Variants in CCDC148 observed in about 807,000 individuals in gnomAD.
CCDC148 encodes the protein coiled-coil domain containing 148.
In CCDC148, 89 loss-of-function variants were observed where a neutral mutation model predicts 85.7. The ratio of observed to expected loss-of-function variants is 1.04; its 90% confidence interval spans 0.87 to 1.24. The LOEUF is 1.24. CCDC148 is among the 50% of genes most tolerant of loss of function. The pLI is 0.00. For missense variants in CCDC148, 692 were observed against 671.7 expected (o/e 1.03, Z -0.33); for synonymous variants, 230 against 213.9 (o/e 1.08, Z -0.66).
At chr2:158,268,234 A>G (rs1433487881) in intron 9 of CCDC148, among the ~76,000 whole-genome samples, 1 of 152,080 alleles carries the variant, frequency 6.6e-6, no homozygotes, top group African/African-American at 2.4e-5. Flanking sequence ...GTGCTTCTTC[A>G]CTAGCACGTG....
At chr2:158,436,748 A>C (rs765773093) in intron 1 of CCDC148, among the ~76,000 whole-genome samples, 5 of 152,334 alleles carry the variant, frequency 3.3e-5, no homozygotes, top group East Asian at 1.9e-4. Flanking sequence ...AATAAAAAGA[A>C]AAGAGAGAAG....
At chr2:158,333,403 C>A (rs1693252529) in intron 7 of CCDC148, among the ~76,000 whole-genome samples, 1 of 152,086 alleles carries the variant, frequency 6.6e-6, no homozygotes, top group Non-Finnish European at 1.5e-5. Flanking sequence ...GATTTCTGTT[C>A]TTTTGCATTT....
At chr2:158,366,881 A>C (rs1684228516) in intron 1 of CCDC148, among the ~76,000 whole-genome samples, 1 of 152,114 alleles carries the variant, frequency 6.6e-6, no homozygotes, top group Admixed American at 6.6e-5. Flanking sequence ...TTCCATATCC[A>C]CTAGGTTGAA....
chr2:158,432,328 G>C (rs1266473028), intron 1 of CCDC148, among the ~76,000 whole-genome samples: 2 of 151,714 alleles, frequency 1.3e-5, no homozygotes, highest in African/African-American at 4.8e-5. Flanking sequence ...AAAAGGCAGA[G>C]ATTGTCAAAC....
intron 9 of CCDC148, among the ~76,000 whole-genome samples, chr2:158,266,213 A>G (rs1689446051): frequency 6.6e-6 from 1 of 152,084 alleles, no homozygotes; most frequent in South Asian, 2.1e-4. Flanking sequence ...AGGCAGGTAC[A>G]AAAGTGAGTA....
chr2:158,323,923 T>A, intron 7 of CCDC148, among the ~76,000 whole-genome samples: 1 of 97,438 alleles, frequency 1.0e-5, no homozygotes, highest in East Asian at 3.3e-4. Context: ...GAATAACTTT[T>A]TTTTTTTTTT....
chr2:158,173,808 C>A (rs1311376067), intron 13 of CCDC148, among the ~76,000 whole-genome samples: 2 of 152,030 alleles, frequency 1.3e-5, no homozygotes, highest in Admixed American at 6.6e-5. Context: ...TCATGTGCAA[C>A]CTGTATGCCA....
chr2:158,329,946 T>C (rs1001260834), intron 7 of CCDC148, among the ~76,000 whole-genome samples: 5 of 152,248 alleles, frequency 3.3e-5, no homozygotes, highest in Non-Finnish European at 7.3e-5. Context: ...AAATATGTCA[T>C]CTGCAAACAG....
chr2:158,314,346 A>T (rs1449956169), intron 7 of CCDC148, among the ~76,000 whole-genome samples: 1 of 152,218 alleles, frequency 6.6e-6, no homozygotes, highest in East Asian at 1.9e-4. Flanking sequence ...ATAAAGACAG[A>T]CTGAGGAAGA....
At chr2:158,374,029 T>C (rs545091541) in intron 1 of CCDC148, among the ~76,000 whole-genome samples, 1 of 152,182 alleles carries the variant, frequency 6.6e-6, no homozygotes, top group South Asian at 2.1e-4. Flanking sequence ...TAATGCATGG[T>C]AGTATTAGAA....
chr2:158,352,988 T>C (rs1683404261), intron 2 of CCDC148, among the ~76,000 whole-genome samples: 1 of 148,918 alleles, frequency 6.7e-6, no homozygotes, highest in Non-Finnish European at 1.5e-5. Context: ...GCTTCATAAG[T>C]GAAGGAGAAA....
intron 10 of CCDC148, among the ~76,000 whole-genome samples, chr2:158,236,703 G>A (rs550014597): frequency 4.5e-4 from 68 of 152,218 alleles, no homozygotes; most frequent in African/African-American, 1.3e-3. Context: ...TAAGGTCACC[G>A]CTCTTGTTAA....
chr2:158,348,462 A>G (rs1021132234), intron 2 of CCDC148, among the ~76,000 whole-genome samples: 1 of 152,020 alleles, frequency 6.6e-6, no homozygotes, highest in Non-Finnish European at 1.5e-5. Flanking sequence ...TAATGTACAG[A>G]CCATATCTAG....
chr2:158,177,099 T>C (rs887189219), intron 12 of CCDC148, among the ~76,000 whole-genome samples: 1 of 151,984 alleles, frequency 6.6e-6, no homozygotes, highest in Non-Finnish European at 1.5e-5. Flanking sequence ...TTTAACCTGA[T>C]TGAACTGGAT....
chr2:158,240,088 A>T (rs922704750), intron 10 of CCDC148, among the ~76,000 whole-genome samples: 4 of 151,726 alleles, frequency 2.6e-5, no homozygotes, highest in African/African-American at 9.7e-5. Flanking sequence ...CTTCAGCTCT[A>T]CTGGCAGCAA....
chr2:158,236,293 A>G (rs1001001362), intron 10 of CCDC148: 1 of 152,146 alleles, frequency 6.6e-6, no homozygotes. Context: ...ATGAGCCAAG[A>G]AAGTATTCTT....
intron 9 of CCDC148, among the ~76,000 whole-genome samples, chr2:158,258,509 T>C (rs1331826163): frequency 6.6e-6 from 1 of 151,834 alleles, no homozygotes; most frequent in Non-Finnish European, 1.5e-5. Context: ...ACTTAGAACC[T>C]CAGGTAAGTG....
At position 158,267,675 on chromosome 2, in the gene CCDC148, T is replaced by C. The variant is rs138459142; in HGVS notation, c.1111-16763A>G. ...ATTGATCTCTAAAAGAATTTAACTC[T>C]GCTTTCATATAAATATAAAACCTCA... On this transcript the variant is annotated intron_variant, in intron 9 of 13. Transcript: ENST00000283233. Among the ~76,000 whole-genome samples the C allele has an allele frequency of 4.3e-3, 660 of 152,340 alleles. 2 individuals carry two copies. The highest frequency in any genetic ancestry group is 0.015 in the African/African-American group (614 of 41,590).
At chr2:158,226,538 T>C (rs1687538088) in intron 10 of CCDC148, among the ~76,000 whole-genome samples, 1 of 152,088 alleles carries the variant, frequency 6.6e-6, no homozygotes, top group African/African-American at 2.4e-5. Context: ...CTGATGAACA[T>C]CGATGCAAAA....
Sources: gnomAD v4.1 joint callset for allele counts (sites outside exome capture counted in the v4.1 genomes callset) on GRCh38, gnomAD v4.1.1 for gene constraint, MANE v1.5 for transcripts, NCBI Gene and HGNC (gene_info 2026-07-23, HGNC 2026-07-21) for gene names.